The following BRINP3 variants were observed in gnomAD, a reference collection of about 807,000 sequenced individuals.
BRINP3 encodes the protein BMP/retinoic acid-inducible neural-specific protein 3.
A neutral mutation model predicts 71.0 loss-of-function variants in BRINP3; 19 were observed. The ratio of observed to expected loss-of-function variants is 0.27; its 90% CI spans 0.19 to 0.39. The LOEUF (loss-of-function observed/expected upper bound fraction) is 0.39. Ranked by LOEUF, BRINP3 falls within the 10% of genes least tolerant of loss-of-function variation. The pLI is 1.00. For missense variants in BRINP3, 959 were observed against 940.8 expected (o/e 1.02, Z -0.25); for synonymous variants, 380 against 337.7 (o/e 1.13, Z -1.37).
At chr1:190,304,093 A>C (rs1664924201) in intron 2 of BRINP3, among the ~76,000 whole-genome samples, 1 of 151,836 alleles carries the variant, frequency 6.6e-6, no homozygotes, top group Admixed American at 6.6e-5. Flanking sequence ...CAAGTCTGCC[A>C]CTAACTCGTT....
intron 3 of BRINP3, among the ~76,000 whole-genome samples, chr1:190,273,109 G>A (rs1203777300): frequency 6.7e-6 from 1 of 149,828 alleles, no homozygotes; most frequent in Non-Finnish European, 1.5e-5. Context: ...CTTCTTCACA[G>A]TTGTTTGAGA....
At chr1:190,423,577 C>T (rs551511080) in intron 2 of BRINP3, among the ~76,000 whole-genome samples, 2 of 151,670 alleles carry the variant, frequency 1.3e-5, no homozygotes, top group Admixed American at 1.3e-4. Flanking sequence ...AAAAATGTTG[C>T]GAATTACTTT....
In BRINP3 at chr1:190,335,054, T is replaced by C. The variant is rs201681242; in HGVS notation, c.237-53304A>G. Among the ~76,000 whole-genome samples the C allele has an allele frequency of 3.3e-5, 5 of 151,896 alleles. No individual in the cohort carries two copies. The East Asian group carries it at 9.7e-4, about 29-fold the overall frequency. ...TATTGTAATTACTCCCTATTGCTTT[T>C]TCCCTTCATTTCTACAAATCTCCAG... On this transcript the variant is annotated intron_variant, in intron 2 of 7. Coordinates refer to ENST00000367462, the MANE Select transcript of BRINP3 (RefSeq NM_199051.3).
intron 7 of BRINP3, among the ~76,000 whole-genome samples, chr1:190,141,603 C>T (rs1450324792): frequency 7.1e-6 from 1 of 140,960 alleles, no homozygotes; most frequent in East Asian, 2.0e-4. Context: ...GCTCTGTCAC[C>T]CAGGCTAGTG....
chr1:190,281,822 A>G, intron 2 of BRINP3, 72 bp from the exon 3 acceptor site: 3 of 1,410,366 alleles, frequency 2.1e-6, no homozygotes, highest in Non-Finnish European at 2.9e-6. Context: ...TTCACTTGGT[A>G]GCTGGGGTCA....
intron 2 of BRINP3, among the ~76,000 whole-genome samples, chr1:190,299,131 A>G (rs907036952): frequency 6.6e-6 from 1 of 152,022 alleles, no homozygotes; most frequent in Non-Finnish European, 1.5e-5. Context: ...TCTTTTTCTG[A>G]AATTAATGTT....
At chr1:190,212,097 GTTTGT>G (rs1656037847) in intron 6 of BRINP3, among the ~76,000 whole-genome samples, 1 of 151,998 alleles carries the variant, frequency 6.6e-6, no homozygotes, top group Non-Finnish European at 1.5e-5. Flanking sequence ...GTTACAAAAA[GTTTGT>G]TTTATTTCCT....
At chr1:190,188,020 AT>A (rs150648686) in intron 6 of BRINP3, among the ~76,000 whole-genome samples, 3,190 of 151,612 alleles carry the variant, frequency 0.021, 104 homozygotes, top group African/African-American at 0.073. Flanking sequence ...AACACAGGGT[AT>A]TTTTTTATTT....
intron 4 of BRINP3, among the ~76,000 whole-genome samples, chr1:190,242,546 T>A (rs572939486): frequency 1.4e-4 from 22 of 152,108 alleles, no homozygotes; most frequent in Non-Finnish European, 3.1e-4. Context: ...TATGCATCTA[T>A]GCAAATTACT....
At chr1:190,137,529 T>A (rs1013297335) in intron 7 of BRINP3, among the ~76,000 whole-genome samples, 7 of 151,532 alleles carry the variant, frequency 4.6e-5, no homozygotes, top group Non-Finnish European at 1.0e-4. Context: ...TCTGGAATGA[T>A]AATGGTGTGA....
intron 6 of BRINP3, among the ~76,000 whole-genome samples, chr1:190,189,391 T>G (rs1425199328): frequency 6.6e-6 from 1 of 152,124 alleles, no homozygotes; most frequent in African/African-American, 2.4e-5. Context: ...ATAAATGATT[T>G]GAACATTTTC....
At chr1:190,160,583 T>A in intron 7 of BRINP3, 85 bp downstream of exon 7, 2 of 1,085,604 alleles carry the variant, frequency 1.8e-6, no homozygotes, top group Non-Finnish European at 2.7e-6. Context: ...GATTTGTATA[T>A]TAACACACCT....
At chr1:190,392,307 T>C (rs555601053) in intron 2 of BRINP3, among the ~76,000 whole-genome samples, 2 of 151,808 alleles carry the variant, frequency 1.3e-5, no homozygotes, top group South Asian at 4.1e-4. Flanking sequence ...TTTAGTTCTC[T>C]TATACAGACT....
intron 2 of BRINP3, among the ~76,000 whole-genome samples, chr1:190,376,625 G>C (rs142262161): frequency 6.6e-6 from 1 of 152,044 alleles, no homozygotes; most frequent in Admixed American, 6.6e-5. Flanking sequence ...TTTTGAACTA[G>C]AAAACAAATA....
At chr1:190,376,180 A>G (rs1241758885) in intron 2 of BRINP3, among the ~76,000 whole-genome samples, 2 of 151,872 alleles carry the variant, frequency 1.3e-5, no homozygotes, top group Non-Finnish European at 1.5e-5. Flanking sequence ...ATATAGTAGC[A>G]GCTGTCTGAG....
intron 2 of BRINP3, among the ~76,000 whole-genome samples, chr1:190,365,611 A>C (rs1341725587): frequency 6.8e-6 from 1 of 146,502 alleles, no homozygotes; most frequent in African/African-American, 2.5e-5. Flanking sequence ...ATTATATTAA[A>C]ATATATTAAT....
intron 6 of BRINP3, among the ~76,000 whole-genome samples, chr1:190,205,944 C>T (rs1300467717): frequency 1.3e-5 from 2 of 151,660 alleles, no homozygotes; most frequent in African/African-American, 2.4e-5. Flanking sequence ...CAAAGGAAAA[C>T]TTTATGTTAT....
intron 6 of BRINP3, among the ~76,000 whole-genome samples, chr1:190,194,682 A>G (rs1048176461): frequency 6.6e-6 from 1 of 152,090 alleles, no homozygotes; most frequent in Non-Finnish European, 1.5e-5. Flanking sequence ...GGGATAAGCC[A>G]CTTGAGCACC....
intron 2 of BRINP3, among the ~76,000 whole-genome samples, chr1:190,326,106 G>C (rs1666562706): frequency 6.6e-6 from 1 of 151,980 alleles, no homozygotes; most frequent in Non-Finnish European, 1.5e-5. Context: ...GGAGCTTCTG[G>C]GATTGAAAAA....
Sources: gnomAD v4.1 joint callset for allele counts (sites outside exome capture counted in the v4.1 genomes callset) on GRCh38, gnomAD v4.1.1 for gene constraint, MANE v1.5 for transcripts, NCBI Gene and HGNC (gene_info 2026-07-23, HGNC 2026-07-21) for gene names.